KIR3DL3: variants seen among roughly 807,000 people sequenced by gnomAD.
The protein encoded by KIR3DL3 is killer cell immunoglobulin like receptor, three Ig domains and long cytoplasmic tail 3.
KIR3DL3 carries 27 observed loss-of-function variants against 34.9 expected under a neutral mutation model. The observed-to-expected ratio is 0.77, with a 90% CI of 0.57 to 1.07. KIR3DL3 has a LOEUF of 1.07. Among genes scored for constraint, KIR3DL3 ranks in the 50% least tolerant of loss-of-function variants. KIR3DL3 has a pLI of 0.00. For missense variants in KIR3DL3, 681 were observed against 528.5 expected, an observed-to-expected ratio of 1.29 and a Z score of -2.83; for synonymous variants, 217 against 200.2, an observed-to-expected ratio of 1.08 and a Z score of -0.71.
intron 5 of KIR3DL3, 75 bp downstream of exon 5, chr19:54,729,861 A>C (rs1344631144): frequency 7.0e-7 from 1 of 1,435,328 alleles, no homozygotes; most frequent in Admixed American, 2.0e-5. Flanking sequence ...CTGATGATGG[A>C]GAGAAGCATG....
chr19:54,725,362 G>T (rs1275331812), intron 2 of KIR3DL3, 80 bp downstream of exon 2: 4 of 1,066,872 alleles, frequency 3.7e-6, no homozygotes, highest in Non-Finnish European at 5.3e-6. Context: ...GGCGACACAG[G>T]GGGTTGACTG....
intron 3 of KIR3DL3, among the ~76,000 whole-genome samples, chr19:54,727,227 G>T (rs894513709): frequency 1.7e-5 from 2 of 117,036 alleles, no homozygotes; most frequent in Non-Finnish European, 3.6e-5. Context: ...TGATGAGTTC[G>T]TACCTCCTGC....
At position 54,736,067 on chromosome 19, in the gene KIR3DL3, A is replaced by T; in HGVS notation, c.1204A>T (p.Lys402Ter). 1 of 1,613,678 alleles carries T rather than the reference A, an allele frequency of 6.2e-7. No homozygotes were observed. Among genetic ancestry groups the T allele is most frequent in the East Asian group, 2.2e-5 (1 of 44,872 alleles). The part of the protein sequence containing the change: ...RKITRPSQRP[K>*]TPPTDTSV ...AATCACTCGCCCTTCTCAGAGGCCC[A>T]AGACACCCCCAACAGATACCAGCGT... The change falls in exon 8 of 8, where the codon AAG becomes TAG. Residue 402 changes from lysine (K) to a stop codon, truncating the protein, a stop_gained. Transcript: ENST00000291860. LOFTEE classifies it low-confidence loss of function (END_TRUNC).
Position 54,736,069 on chromosome 19 carries a change from G to A in KIR3DL3, c.1206G>A (p.Lys402=). ...TCACTCGCCCTTCTCAGAGGCCCAA[G>A]ACACCCCCAACAGATACCAGCGTGT... is the stretch of plus-strand genomic sequence containing the variant. ...RKITRPSQRP[K]TPPTDTSV Residue 402 remains lysine, a synonymous_variant, in exon 8 of 8, where the codon AAG becomes AAA. Transcript: ENST00000291860. 1 of 1,613,568 alleles carries A rather than the reference G, an allele frequency of 6.2e-7. No homozygotes were observed. Among genetic ancestry groups the A allele is most frequent in the Non-Finnish European group, 8.5e-7 (1 of 1,179,962 alleles).
intron 3 of KIR3DL3, among the ~76,000 whole-genome samples, chr19:54,726,623 C>A (rs1195870211): frequency 6.8e-6 from 1 of 147,358 alleles, no homozygotes; most frequent in African/African-American, 2.5e-5. Flanking sequence ...GGGAGACAGC[C>A]TGGACTGTCC....
chr19:54,732,023 A>G (rs2068849187), intron 5 of KIR3DL3, among the ~76,000 whole-genome samples: 1 of 152,112 alleles, frequency 6.6e-6, no homozygotes, highest in Non-Finnish European at 1.5e-5. Context: ...TAACATATTC[A>G]CAAGCTATGG....
At position 54,736,234 on chromosome 19, in the gene KIR3DL3, G is replaced by A. The variant is rs2069593978; in HGVS notation, c.*138G>A. The stretch of plus-strand genomic sequence containing the variant: ...GGTTGCCAGCTCCCATGTACCAGCA[G>A]CTGGACTCTGAAGGCGTGAGTCTGC... On this transcript the variant is annotated 3_prime_UTR_variant, in exon 8 of 8. Coordinates refer to ENST00000291860, the MANE Select transcript of KIR3DL3 (RefSeq NM_153443.5). The A allele has an allele frequency of 1.7e-6, 2 of 1,175,366 alleles. No individual in the cohort carries two copies. The highest frequency in any genetic ancestry group is 2.5e-6 in the Non-Finnish European group (2 of 795,002). 72.8% of individuals were successfully genotyped at this position (1,175,366 alleles called of 1,614,324 possible).
At chr19:54,730,216 T>C (rs2068655074) in intron 5 of KIR3DL3, among the ~76,000 whole-genome samples, 1 of 151,540 alleles carries the variant, frequency 6.6e-6, no homozygotes, top group Non-Finnish European at 1.5e-5. Context: ...ACCTATGTAA[T>C]TTACCACCTT....
At chr19:54,725,383 C>T (rs548853364) in intron 2 of KIR3DL3, 101 bp downstream of exon 2, 6 of 875,740 alleles carry the variant, frequency 6.9e-6, no homozygotes, top group African/African-American at 1.7e-5. Context: ...ATGGGCTGAC[C>T]ATGGGAAGCC....
At chr19:54,735,907 T>G in intron 7 of KIR3DL3, 35 bp downstream of exon 7, 1 of 1,605,802 alleles carries the variant, frequency 6.2e-7, no homozygotes, top group Non-Finnish European at 8.5e-7. Context: ...GTGGCTAGTC[T>G]TATTCCCAAA....
rs1204116062 is a variant in KIR3DL3 at position 54,735,303 on chromosome 19, C to A, written c.1000C>A (p.Pro334Thr). ...VLIGTSVVII[P>T]FAILLFFLLH... ...GATTGGGACCTCAGTGGTCATCATCCCCTTTGCTATCCTCCTCTTCTTTCT... is the reference window on the plus strand; with the variant it reads ...GATTGGGACCTCAGTGGTCATCATCACCTTTGCTATCCTCCTCTTCTTTCT... Residue 334 changes from proline to threonine, a missense_variant, in exon 6 of 8, where the codon CCC becomes ACC. Coordinates refer to ENST00000291860, the MANE Select transcript of KIR3DL3 (RefSeq NM_153443.5). 30 of 1,518,656 alleles carry A rather than the reference C, an allele frequency of 2.0e-5. No individual in the cohort carries two copies. The highest frequency in any genetic ancestry group is 2.4e-5 in the Non-Finnish European group (26 of 1,099,202). 94.1% of individuals were successfully genotyped at this position (1,518,656 alleles called of 1,614,324 possible).
At chr19:54,732,700 A>G (rs2068950305) in intron 5 of KIR3DL3, among the ~76,000 whole-genome samples, 1 of 152,072 alleles carries the variant, frequency 6.6e-6, no homozygotes, top group Non-Finnish European at 1.5e-5. Context: ...TTCCACACTG[A>G]GCTCTCAGCC....
At chr19:54,732,102 G>A (rs2068862651) in intron 5 of KIR3DL3, among the ~76,000 whole-genome samples, 1 of 152,200 alleles carries the variant, frequency 6.6e-6, no homozygotes, top group Non-Finnish European at 1.5e-5. Context: ...TAAACAGGAT[G>A]CATTTGGCCT....
In KIR3DL3 at chr19:54,726,331, G is replaced by T. The variant is rs557207322; in HGVS notation, c.349G>T (p.Val117Phe). The change falls in exon 3 of 8, where the codon GTC (valine) becomes TTC (phenylalanine). Residue 117 changes from valine (V) to phenylalanine (F), a missense_variant. Coordinates refer to ENST00000291860, the MANE Select transcript of KIR3DL3 (RefSeq NM_153443.5). ...ACCCAGCAACCCTGTGGTGATCATG[G>T]TCACAGGTCAGAGGCTTTCTGTCTG... ...SAPSNPVVIM[V>F]TGVHRKPSLL... is the part of the protein sequence containing the mutation. The T allele has an allele frequency of 5.6e-6, 9 of 1,613,236 alleles. No individual in the cohort carries two copies. In the East Asian group the frequency reaches 8.9e-5, roughly 16 times the overall value.
At chr19:54,726,359 C>A (rs1415516747) in intron 3 of KIR3DL3, 22 bp downstream of exon 3, 2 of 1,607,158 alleles carry the variant, frequency 1.2e-6, no homozygotes, top group African/African-American at 2.7e-5. Flanking sequence ...TCTGTCTGGG[C>A]TTCTCACTGT....
At chr19:54,725,223 A>G (rs1009574192) in intron 1 of KIR3DL3, 24 bp from the exon 2 acceptor site, 6 of 1,575,638 alleles carry the variant, frequency 3.8e-6, no homozygotes, top group Non-Finnish European at 5.2e-6. Context: ...CAGATGGATC[A>G]TCCATCATGA....
chr19:54,729,720 G>C lies in KIR3DL3; in HGVS notation c.883G>C (p.Gly295Arg). The change falls in exon 5 of 8, where the codon GGC becomes CGC. Residue 295 changes from glycine (G) to arginine (R), a missense_variant. Gly to Arg is a moderately radical substitution (Grantham distance 125). Transcript: ENST00000291860. ...VTHGGNYRCF[G>R]SFRALPHAWS... ...CCACGGAGGGAACTACAGATGCTTC[G>C]GCTCTTTCCGTGCCCTGCCCCATGC... is the stretch of plus-strand genomic sequence containing the variant. 2 of 1,594,026 alleles carry C rather than the reference G, an allele frequency of 1.3e-6. No individual in the cohort carries two copies. Among genetic ancestry groups the C allele is most frequent in the South Asian group, 1.1e-5 (1 of 89,436 alleles).
rs751718746 is a variant in KIR3DL3, at chr19:54,735,312, ATCC to A, written c.1015_1017del (p.Leu339del). ...CTCAGTGGTCATCATCCCCTTTGCT[ATCC>A]TCCTCTTCTTTCTCCTTCATCGCTG... On this transcript the variant is annotated inframe_deletion, in exon 6 of 8. Transcript: ENST00000291860. The A allele has an allele frequency of 4.0e-6, 6 of 1,504,768 alleles. No homozygotes were observed. The highest frequency in any genetic ancestry group is 2.2e-5 in the East Asian group (1 of 44,554). The allele number at this position is 1,504,768 out of a possible 1,614,324, so 93.2% of individuals were successfully genotyped here. A position where few individuals can be genotyped will look rare whatever the true frequency, so the allele number is the denominator to read the frequency against.
chr19:54,726,456 G>A, intron 3 of KIR3DL3, 119 bp downstream of exon 3: 1 of 1,300,610 alleles, frequency 7.7e-7, no homozygotes, highest in Non-Finnish European at 1.1e-6. Context: ...GGTAAAGGGG[G>A]ATTCAGTACA....
Sources: allele counts gnomAD v4.1 joint callset (sites outside exome capture counted in the v4.1 genomes callset), GRCh38; gene constraint gnomAD v4.1.1; transcripts MANE v1.5; gene names NCBI Gene and HGNC (gene_info 2026-07-23, HGNC 2026-07-21).